The following LRRC7 variants were observed in gnomAD, a reference collection of about 807,000 sequenced individuals.
LRRC7 encodes leucine rich repeat containing 7.
A neutral mutation model predicts 175.7 loss-of-function variants in LRRC7; 23 were observed. That is an observed-to-expected ratio of 0.13 (90% CI 0.09 to 0.19). The LOEUF (loss-of-function observed/expected upper bound fraction) is 0.19, where lower values mean the gene tolerates loss of function less well. Ranked by LOEUF, LRRC7 falls within the 10% of genes least tolerant of loss-of-function variation. The pLI, the probability that LRRC7 is intolerant of heterozygous loss-of-function variation, is 1.00. For missense variants in LRRC7, 1,354 were observed against 1,904.7 expected, an observed-to-expected ratio of 0.71 and a Z score of 5.38; for synonymous variants, 685 against 680.9, an observed-to-expected ratio of 1.01 and a Z score of -0.09.
At chr1:69,911,001 C>A (rs185644153) in intron 7 of LRRC7, among the ~76,000 whole-genome samples, 2 of 152,204 alleles carry the variant, frequency 1.3e-5, no homozygotes, top group African/African-American at 2.4e-5. Context: ...CCCTCCGAGT[C>A]ATGTGGGGGA....
chr1:69,656,954 AAG>A (rs1246987293), intron 1 of LRRC7, among the ~76,000 whole-genome samples: 4 of 151,940 alleles, frequency 2.6e-5, no homozygotes, highest in Non-Finnish European at 5.9e-5. Context: ...TTAAAAGGAA[AAG>A]AGAGAGAATA....
At chr1:70,056,444 T>C (rs1475723679) in intron 23 of LRRC7, among the ~76,000 whole-genome samples, 1 of 152,220 alleles carries the variant, frequency 6.6e-6, no homozygotes, top group Admixed American at 6.5e-5. Flanking sequence ...GCCTCAACTT[T>C]AGTACTTGGT....
At chr1:69,804,708 A>G (rs1387171149) in intron 4 of LRRC7, among the ~76,000 whole-genome samples, 1 of 151,592 alleles carries the variant, frequency 6.6e-6, no homozygotes, top group African/African-American at 2.4e-5. Context: ...TTCTATGCCA[A>G]TGAATTTTTG....
rs145546392 is a variant in LRRC7, at chr1:69,629,196, T to C, written c.3-49185T>C. On this transcript the variant is annotated intron_variant, in intron 1 of 26. Coordinates refer to ENST00000651989, the MANE Select transcript of LRRC7 (RefSeq NM_001370785.2). ...TAGGCAACAAACTGGGAGAAAATATTGGCAAAAAACATAACTGAGAAAAGG... is the reference window on the plus strand; with the variant it reads ...TAGGCAACAAACTGGGAGAAAATATCGGCAAAAAACATAACTGAGAAAAGG... Among the ~76,000 whole-genome samples, 117 of 152,158 alleles carry C rather than the reference T, an allele frequency of 7.7e-4. No homozygotes were observed. The East Asian group carries it at 0.015, about 19-fold the overall frequency.
chr1:69,663,412 A>C (rs1049793138), intron 1 of LRRC7, among the ~76,000 whole-genome samples: 2 of 152,234 alleles, frequency 1.3e-5, no homozygotes, highest in Non-Finnish European at 2.9e-5. Context: ...CATGCAATGC[A>C]TACAAATGAT....
chr1:69,638,413 A>T (rs2100416545), intron 1 of LRRC7, among the ~76,000 whole-genome samples: 1 of 151,910 alleles, frequency 6.6e-6, no homozygotes, highest in Non-Finnish European at 1.5e-5. Flanking sequence ...AGTGGCATAT[A>T]TTCTTGTTCT....
intron 8 of LRRC7, among the ~76,000 whole-genome samples, chr1:69,963,081 G>A (rs1019979667): frequency 1.3e-4 from 19 of 151,890 alleles, no homozygotes; most frequent in Non-Finnish European, 2.2e-4. Context: ...GAAGGTGGGC[G>A]GATCACCAGG....
At chr1:69,675,594 T>C (rs1459398866) in intron 1 of LRRC7, among the ~76,000 whole-genome samples, 1 of 152,142 alleles carries the variant, frequency 6.6e-6, no homozygotes, top group African/African-American at 2.4e-5. Flanking sequence ...TAAATACTAG[T>C]GAATAATTAT....
At chr1:69,607,687 A>T (rs1647836994) in intron 1 of LRRC7, 1 of 152,244 alleles carries the variant, frequency 6.6e-6, no homozygotes, top group South Asian at 2.1e-4. Flanking sequence ...TGTGTTTACT[A>T]GAAGCCCAGC....
intron 3 of LRRC7, among the ~76,000 whole-genome samples, chr1:69,766,562 G>T (rs1360885667): frequency 6.6e-6 from 1 of 152,046 alleles, no homozygotes; most frequent in African/African-American, 2.4e-5. Flanking sequence ...TAATTAGCAG[G>T]AAAACCAAGC....
chr1:69,641,909 C>T (rs1350720713), intron 1 of LRRC7, among the ~76,000 whole-genome samples: 2 of 151,614 alleles, frequency 1.3e-5, no homozygotes, highest in East Asian at 1.9e-4. Flanking sequence ...TTAGTTACCT[C>T]GTTTTAATAA....
chr1:69,921,713 A>G (rs1646894062), intron 7 of LRRC7, among the ~76,000 whole-genome samples: 1 of 152,166 alleles, frequency 6.6e-6, no homozygotes, highest in Non-Finnish European at 1.5e-5. Flanking sequence ...TGCCCACATC[A>G]TTCCAAGTTG....
intron 4 of LRRC7, among the ~76,000 whole-genome samples, chr1:69,822,660 C>T (rs922384439): frequency 2.0e-5 from 3 of 152,154 alleles, no homozygotes; most frequent in African/African-American, 7.2e-5. Context: ...TTTACTTTCC[C>T]CTGTGGGGAC....
intron 7 of LRRC7, among the ~76,000 whole-genome samples, chr1:69,857,707 T>C (rs1209727392): frequency 6.6e-6 from 1 of 152,168 alleles, no homozygotes; most frequent in Non-Finnish European, 1.5e-5. Flanking sequence ...ATAGATTCAA[T>C]GCCATCCCCA....
At chr1:70,071,134 T>C (rs1053830163) in intron 23 of LRRC7, among the ~76,000 whole-genome samples, 1 of 152,190 alleles carries the variant, frequency 6.6e-6, no homozygotes, top group Admixed American at 6.5e-5. Context: ...AAGCATTCTG[T>C]CTTGTTAGAC....
chr1:69,681,966 G>T (rs918663758), intron 2 of LRRC7, among the ~76,000 whole-genome samples: 1 of 152,078 alleles, frequency 6.6e-6, no homozygotes, highest in Non-Finnish European at 1.5e-5. Flanking sequence ...TCCAGAGTTC[G>T]CTGCTTCAGT....
chr1:69,731,936 T>C (rs1021969585), intron 2 of LRRC7, among the ~76,000 whole-genome samples: 1 of 152,158 alleles, frequency 6.6e-6, no homozygotes, highest in Non-Finnish European at 1.5e-5. Context: ...CTACTGTCCC[T>C]AAATTTTCCC....
chr1:69,951,705 G>A (rs1300254452), intron 8 of LRRC7, among the ~76,000 whole-genome samples: 11 of 152,096 alleles, frequency 7.2e-5, no homozygotes, highest in East Asian at 1.9e-4. Flanking sequence ...ACCAAATACC[G>A]CATGTTCTCA....
chr1:69,594,409 T>A (rs373757573), intron 1 of LRRC7, among the ~76,000 whole-genome samples: 1 of 152,190 alleles, frequency 6.6e-6, no homozygotes, highest in African/African-American at 2.4e-5. Flanking sequence ...TTGGCAAGCA[T>A]TCCAGATATA....
Sources: allele counts gnomAD v4.1 joint callset (sites outside exome capture counted in the v4.1 genomes callset), GRCh38; gene constraint gnomAD v4.1.1; transcripts MANE v1.5; gene names NCBI Gene and HGNC (gene_info 2026-07-23, HGNC 2026-07-21).